The following KCNIP3 variants were observed in gnomAD, a reference collection of about 807,000 sequenced individuals.
The protein encoded by KCNIP3 is calsenilin.
KCNIP3 carries 28 observed loss-of-function variants against 35.0 expected under a neutral mutation model. That is an observed-to-expected ratio of 0.80 (90% CI 0.59 to 1.10). The LOEUF (loss-of-function observed/expected upper bound fraction) is 1.10, where lower values mean the gene tolerates loss of function less well. KCNIP3 is among the 50% of genes least tolerant of loss of function. KCNIP3 has a pLI of 0.00. For missense variants in KCNIP3, 295 were observed against 338.4 expected (o/e 0.87, Z 1.01); for synonymous variants, 134 against 133.8 (o/e 1.00, Z -0.01).
chr2:95,345,547 C>G (rs548851577), intron 2 of KCNIP3, among the ~76,000 whole-genome samples: 1 of 152,258 alleles, frequency 6.6e-6, no homozygotes, highest in Non-Finnish European at 1.5e-5. Context: ...GCTGCAATTG[C>G]TCAGGCCGTG....
At position 95,376,496 on chromosome 2, in the gene KCNIP3, G is replaced by A. The variant is rs1184645152; in HGVS notation, c.447+1288G>A. Among the ~76,000 whole-genome samples the A allele has an allele frequency of 1.3e-5, 2 of 152,220 alleles. No homozygotes were observed. The highest frequency in any genetic ancestry group is 2.9e-5 in the Non-Finnish European group (2 of 68,028). ...TGGCCCTTTAAGGAAGCAGGTGGCA[G>A]CCCTCTGGGCTGGGTCTGTCAGTGG... On this transcript the variant is annotated intron_variant, in intron 5 of 8. Coordinates refer to ENST00000295225, the MANE Select transcript of KCNIP3 (RefSeq NM_013434.5). The surrounding 1 kb of genome is among the most constrained non-coding windows in gnomAD (Gnocchi z 4.2).
intron 2 of KCNIP3, among the ~76,000 whole-genome samples, chr2:95,325,788 CACACTCATACACACAT>C (rs780208906): frequency 1.3e-4 from 20 of 151,694 alleles, no homozygotes; most frequent in South Asian, 1.0e-3. Flanking sequence ...CACACTCATA[CACACTCATACACACAT>C]ACACTCATAC....
Position 95,385,705 on chromosome 2 carries a change from T to C in KCNIP3, c.*1656T>C, listed in dbSNP as rs1439649548. 6.5e-6 allele frequency: 1 copy of C among 152,740 alleles called. No individual in the cohort carries two copies. The highest frequency in any genetic ancestry group is 1.5e-5 in the Non-Finnish European group (1 of 68,120). The allele number at this position is 152,740 out of a possible 1,614,324, so 9.5% of individuals were successfully genotyped here. A position where few individuals can be genotyped will look rare whatever the true frequency, so the allele number is the denominator to read the frequency against. ...GCCTGGCCTCCCCTGCGGAGCTGCA[T>C]GGACGCCTGGCTCCAGGCTCCAGGC... On this transcript the variant is annotated 3_prime_UTR_variant, in exon 9 of 9. Transcript: ENST00000295225.
At chr2:95,315,304 A>G (rs1678424986) in intron 2 of KCNIP3, among the ~76,000 whole-genome samples, 1 of 152,052 alleles carries the variant, frequency 6.6e-6, no homozygotes. Context: ...CGGCCCAGGG[A>G]GAAGTTCTTT....
intron 2 of KCNIP3, among the ~76,000 whole-genome samples, chr2:95,342,866 A>G (rs1160449635): frequency 1.3e-5 from 2 of 152,162 alleles, no homozygotes; most frequent in Non-Finnish European, 2.9e-5. Context: ...CTCCAAAGTC[A>G]CTGCACTGAG....
chr2:95,305,661 C>T (rs1678148131), intron 1 of KCNIP3, among the ~76,000 whole-genome samples: 1 of 152,174 alleles, frequency 6.6e-6, no homozygotes, highest in Admixed American at 6.5e-5. Context: ...TGCCTGCCTC[C>T]CCCCATCCTT....
At chr2:95,301,445 G>A (rs1193908332) in intron 1 of KCNIP3, among the ~76,000 whole-genome samples, 1 of 152,246 alleles carries the variant, frequency 6.6e-6, no homozygotes, top group Non-Finnish European at 1.5e-5. Context: ...GCAGACCTGG[G>A]CTCAGTCCAG....
intron 2 of KCNIP3, among the ~76,000 whole-genome samples, chr2:95,325,698 CAT>C (rs1316617595): frequency 3.3e-5 from 5 of 151,186 alleles, no homozygotes; most frequent in Non-Finnish European, 7.4e-5. Context: ...CATACACACT[CAT>C]ACATACACAC....
intron 2 of KCNIP3, among the ~76,000 whole-genome samples, chr2:95,327,827 C>T (rs948836617): frequency 6.6e-6 from 1 of 152,234 alleles, no homozygotes; most frequent in African/African-American, 2.4e-5. Context: ...CAGGACTCAG[C>T]CCAGCTGGGA....
intron 2 of KCNIP3, 135 bp downstream of exon 2, chr2:95,310,655 G>A (rs1028556156): frequency 1.3e-5 from 12 of 943,890 alleles, no homozygotes; most frequent in Non-Finnish European, 1.5e-5. Flanking sequence ...TTGGAGGTGT[G>A]TTTTCATTCA....
chr2:95,336,552 T>G (rs1558767029), intron 2 of KCNIP3, among the ~76,000 whole-genome samples: 1 of 152,258 alleles, frequency 6.6e-6, no homozygotes, highest in Non-Finnish European at 1.5e-5. Context: ...TCTATTGACT[T>G]CATAATCAGC....
chr2:95,325,539 G>T (rs868859370), intron 2 of KCNIP3, among the ~76,000 whole-genome samples: 3 of 152,020 alleles, frequency 2.0e-5, no homozygotes, highest in Admixed American at 2.0e-4. Flanking sequence ...GTCCTGGAGC[G>T]AGGCAAGATG....
intron 2 of KCNIP3, among the ~76,000 whole-genome samples, chr2:95,333,034 T>G (rs1573496466): frequency 6.6e-6 from 1 of 152,266 alleles, no homozygotes; most frequent in South Asian, 2.1e-4. Flanking sequence ...TGACAGCCTC[T>G]GCTGGGCCTC....
rs1457454128 is a variant in KCNIP3 at position 95,377,468 on chromosome 2, AC to A, written c.447+2263del. Among the ~76,000 whole-genome samples the A allele has an allele frequency of 5.9e-5, 9 of 151,970 alleles. No individual in the cohort carries two copies. Among genetic ancestry groups the A allele is most frequent in the Non-Finnish European group, 1.2e-4 (8 of 67,966 alleles). On this transcript the variant is annotated intron_variant, in intron 5 of 8. Coordinates refer to ENST00000295225, the MANE Select transcript of KCNIP3 (RefSeq NM_013434.5). This position sits in a 1 kb window ranked among gnomAD's most constrained non-coding sequence, Gnocchi z 4.7. ...CACCTGCTCCGGGCTCTGCCGGGAG[AC>A]CCTCCTGTGCACTCTTGTGCACCTT...
intron 2 of KCNIP3, among the ~76,000 whole-genome samples, chr2:95,344,014 C>A (rs962385935): frequency 2.2e-4 from 33 of 151,784 alleles, no homozygotes; most frequent in African/African-American, 7.5e-4. Flanking sequence ...CTTCTCCAAT[C>A]ACCCCAAGGA....
chr2:95,382,469 GA>G lies in KCNIP3; in HGVS notation c.649del (p.Arg217GlyfsTer13). On this transcript the variant is annotated frameshift_variant, in exon 7 of 9. Transcript: ENST00000295225. LOFTEE classifies it high-confidence loss of function. This position sits in a 1 kb window ranked among gnomAD's most constrained non-coding sequence, Gnocchi z 4.5. Reference protein sequence around the residue: ...REDAPAEHVERFFEKMDRNQD... With the variant: ...REDAPAEHVEXFFEKMDRNQD... ...AGGACGCGCCGGCGGAGCACGTGGA[GA>G]GGTTCTTCGAGGTGAGCGAGCGCCA... The G allele has an allele frequency of 6.2e-7, 1 of 1,603,872 alleles. No individual in the cohort carries two copies.
In KCNIP3 at chr2:95,347,946, C is replaced by T. The variant is rs552537034; in HGVS notation, c.182-26350C>T. Among the ~76,000 whole-genome samples the T allele has an allele frequency of 3.3e-5, 5 of 152,366 alleles. No individual in the cohort carries two copies. The South Asian group carries it at 8.3e-4, about 25-fold the overall frequency. ...CTGAGAATGAGAGAGAGCGAGCTTG[C>T]CCCTGCCTGGGAGCTGCCCAGCAGC... On this transcript the variant is annotated intron_variant, in intron 2 of 8. Transcript: ENST00000295225.
chr2:95,359,675 T>C (rs1474526863), intron 2 of KCNIP3, among the ~76,000 whole-genome samples: 2 of 152,254 alleles, frequency 1.3e-5, no homozygotes, highest in Non-Finnish European at 2.9e-5. Flanking sequence ...ACCCCCAGTC[T>C]GTCTGATCCA....
chr2:95,319,573 C>T (rs1012606130), intron 2 of KCNIP3, among the ~76,000 whole-genome samples: 4 of 152,282 alleles, frequency 2.6e-5, no homozygotes, highest in Admixed American at 2.6e-4. Flanking sequence ...CCTTGCTCCT[C>T]CTGGCTAGTG....
Sources: gnomAD v4.1 joint callset for allele counts (sites outside exome capture counted in the v4.1 genomes callset) on GRCh38, gnomAD v4.1.1 for gene constraint, Gnocchi (gnomAD v3.1) non-coding constraint, MANE v1.5 for transcripts, NCBI Gene and HGNC (gene_info 2026-07-23, HGNC 2026-07-21) for gene names.